Variants in KPNA6 observed in about 807,000 individuals in gnomAD.
KPNA6 encodes the protein importin subunit alpha-7.
In KPNA6, 9 loss-of-function variants were observed where a neutral mutation model predicts 72.0. The ratio of observed to expected loss-of-function variants is 0.13; its 90% confidence interval spans 0.08 to 0.22. The LOEUF is 0.22. Ranked by LOEUF, KPNA6 falls within the 10% of genes least tolerant of loss-of-function variation. KPNA6 has a pLI of 1.00. For synonymous variants in KPNA6, 219 were observed against 242.1 expected, an observed-to-expected ratio of 0.90 and a Z score of 0.89; for missense variants, 374 against 655.7, an observed-to-expected ratio of 0.57 and a Z score of 4.69.
At chr1:32,167,023 G>GTAGC (rs1280614209) in intron 11 of KPNA6, 146 bp from the exon 12 acceptor site, 1 of 938,708 alleles carries the variant, frequency 1.1e-6, no homozygotes, top group African/African-American at 1.7e-5. Flanking sequence ...TTCTTCTGTA[G>GTAGC]TAGCCTGTCA....
intron 1 of KPNA6, among the ~76,000 whole-genome samples, chr1:32,126,021 T>C (rs1167699381): frequency 6.7e-6 from 1 of 150,334 alleles, no homozygotes; most frequent in Non-Finnish European, 1.5e-5. Context: ...TTTTCAGAGC[T>C]TGTTTTTCTT....
At chr1:32,114,208 G>A (rs1201759692) in intron 1 of KPNA6, among the ~76,000 whole-genome samples, 1 of 152,078 alleles carries the variant, frequency 6.6e-6, no homozygotes, top group Admixed American at 6.6e-5. Flanking sequence ...GGGAGGCCGA[G>A]GCGGGCAGAC....
chr1:32,165,327 G>T (rs1642312981), intron 10 of KPNA6, among the ~76,000 whole-genome samples: 1 of 152,142 alleles, frequency 6.6e-6, no homozygotes, highest in African/African-American at 2.4e-5. Flanking sequence ...TGGGACTGCA[G>T]GTGCATACCA....
chr1:32,162,087 C>A, intron 8 of KPNA6, 41 bp downstream of exon 8: 1 of 1,491,264 alleles, frequency 6.7e-7, no homozygotes, highest in South Asian at 1.1e-5. Flanking sequence ...ACATCAGGTT[C>A]CTTCATATGG....
intron 1 of KPNA6, among the ~76,000 whole-genome samples, chr1:32,119,354 TA>T (rs1221915824): frequency 6.6e-6 from 1 of 151,968 alleles, no homozygotes; most frequent in Non-Finnish European, 1.5e-5. Context: ...AATATAAAGT[TA>T]AATTTACTAG....
chr1:32,110,355 G>T (rs1290126830), intron 1 of KPNA6, among the ~76,000 whole-genome samples: 2 of 152,022 alleles, frequency 1.3e-5, no homozygotes, highest in Admixed American at 1.3e-4. Flanking sequence ...ATGAGCCACC[G>T]CGCCTGGCCT....
intron 5 of KPNA6, 62 bp downstream of exon 5, chr1:32,158,423 A>G (rs1642182590): frequency 1.0e-6 from 1 of 959,304 alleles, no homozygotes; most frequent in South Asian, 1.4e-5. Flanking sequence ...CATAGTAGGT[A>G]TATATATTTA....
rs146233616 is a variant in KPNA6 at position 32,138,966 on chromosome 1, G to A, written c.5-15622G>A. 3.2e-3 allele frequency among the ~76,000 whole-genome samples: 484 copies of A among 152,164 alleles called. 3 individuals are homozygous for A. The highest frequency in any genetic ancestry group is 4.0e-3 in the Non-Finnish European group (269 of 68,016). The stretch of plus-strand genomic sequence containing the variant: ...GGAAATCGTGGTTTCTGGGTTTTTA[G>A]TAAGAAATTCTTCTGTAGTCTGCTT... On this transcript the variant is annotated intron_variant, in intron 1 of 13. Transcript: ENST00000373625.
rs1642333382 is a variant in KPNA6, at chr1:32,166,112, T to G, written c.998T>G (p.Leu333Arg). 6.2e-7 allele frequency: 1 copy of G among 1,611,484 alleles called. No homozygotes were observed. Among genetic ancestry groups the G allele is most frequent in the South Asian group, 1.1e-5 (1 of 90,290 alleles). Residue 333 changes from leucine to arginine, a missense_variant, in exon 11 of 14, where the codon CTT becomes CGT. By Grantham distance (102) the Leu-to-Arg change is moderately radical. This residue lies in a region of KPNA6 where 298 missense variants were observed against 495.4 expected (regional missense o/e 0.60). Coordinates refer to ENST00000373625, the MANE Select transcript of KPNA6 (RefSeq NM_012316.5). ...TGDDIQTQVILNCSALPCLLH... is the reference protein window; with the variant it reads ...TGDDIQTQVIRNCSALPCLLH... Reference sequence around the variant, plus strand: ...GTGCTTTTGGTGTTCTAGGTCATTCTTAACTGTTCAGCCCTACCTTGCCTT... The same window carrying G: ...GTGCTTTTGGTGTTCTAGGTCATTCGTAACTGTTCAGCCCTACCTTGCCTT...
intron 1 of KPNA6, among the ~76,000 whole-genome samples, chr1:32,139,952 A>G (rs183963202): frequency 1.3e-5 from 2 of 152,362 alleles, no homozygotes; most frequent in Non-Finnish European, 2.9e-5. Context: ...AAAATAACAA[A>G]TACAATGTGT....
At chr1:32,158,480 C>T in intron 5 of KPNA6, 119 bp downstream of exon 5, 1 of 605,072 alleles carries the variant, frequency 1.7e-6, no homozygotes, top group Non-Finnish European at 3.0e-6. Context: ...TTGAAATAAG[C>T]AAATCATGGA....
In KPNA6 at chr1:32,166,046, T is replaced by C; in HGVS notation, c.991-59T>C. ...CAACAACAACAACAACAAAAAAACA[T>C]AAAAAAAATTAAAAACAGTTTAATT... On this transcript the variant is annotated intron_variant, in intron 10 of 13. Coordinates refer to ENST00000373625, the MANE Select transcript of KPNA6 (RefSeq NM_012316.5). The C allele has an allele frequency of 5.3e-6, 8 of 1,499,258 alleles. No individual in the cohort carries two copies. The South Asian group carries it at 9.1e-5, about 17-fold the overall frequency. 92.9% of individuals were successfully genotyped at this position (1,499,258 alleles called of 1,614,324 possible). A position where few individuals can be genotyped will look rare whatever the true frequency, so the allele number is the denominator to read the frequency against.
intron 1 of KPNA6, among the ~76,000 whole-genome samples, chr1:32,116,308 G>A (rs776471457): frequency 1.1e-4 from 17 of 150,494 alleles, no homozygotes; most frequent in African/African-American, 3.6e-4. Context: ...GCGCCCGGCC[G>A]GTTGTTTTTT....
At chr1:32,133,468 C>G (rs991206564) in intron 1 of KPNA6, among the ~76,000 whole-genome samples, 8 of 124,030 alleles carry the variant, frequency 6.5e-5, no homozygotes, top group Non-Finnish European at 1.1e-4. Context: ...TCACTTGAGC[C>G]AAGGAATTCA....
chr1:32,154,567 A>G (rs1454110390), intron 1 of KPNA6, 21 bp from the exon 2 acceptor site: 2 of 1,608,824 alleles, frequency 1.2e-6, no homozygotes, highest in Admixed American at 1.7e-5. Flanking sequence ...AGTTTTTGGC[A>G]GTGTGTATCT....
At chr1:32,159,225 G>A (rs1380659513) in intron 5 of KPNA6, among the ~76,000 whole-genome samples, 175 bp from the exon 6 acceptor site, 1 of 152,218 alleles carries the variant, frequency 6.6e-6, no homozygotes, top group Admixed American at 6.5e-5. Context: ...GGAAAGGCTT[G>A]TATTTTATGT....
At chr1:32,154,769 C>T (rs1642106479) in intron 2 of KPNA6, 48 bp downstream of exon 2, 1 of 1,604,864 alleles carries the variant, frequency 6.2e-7, no homozygotes, top group Non-Finnish European at 8.5e-7. Context: ...GGAAACAAGC[C>T]CCTATGGTTG....
In KPNA6 at chr1:32,118,509, T is replaced by C. The variant is rs943491859; in HGVS notation, c.4+10375T>C. Among the ~76,000 whole-genome samples the C allele has an allele frequency of 2.0e-5, 3 of 151,884 alleles. No homozygotes were observed. In the Admixed American group the frequency reaches 2.0e-4, roughly 10 times the overall value. On this transcript the variant is annotated intron_variant, in intron 1 of 13. Coordinates refer to ENST00000373625, the MANE Select transcript of KPNA6 (RefSeq NM_012316.5). The stretch of plus-strand genomic sequence containing the variant: ...CTCATTTTCTTATCTTTAAAATAGG[T>C]ATAGGTTAGGTGCGGTAGCTCACAC...
intron 9 of KPNA6, among the ~76,000 whole-genome samples, chr1:32,162,859 C>CT (rs971156099): frequency 6.8e-6 from 1 of 147,994 alleles, no homozygotes; most frequent in Non-Finnish European, 1.5e-5. Flanking sequence ...AATCCCAGCA[C>CT]TTTGGGAGGC....
Sources: allele counts gnomAD v4.1 joint callset (sites outside exome capture counted in the v4.1 genomes callset), GRCh38; gene constraint gnomAD v4.1.1; regional missense constraint gnomAD v4.1.1; transcripts MANE v1.5; gene names NCBI Gene and HGNC (gene_info 2026-07-23, HGNC 2026-07-21).